SLC5A2: variants seen among roughly 807,000 people sequenced by gnomAD.
SLC5A2 encodes sodium/glucose cotransporter 2.
In SLC5A2, 67 loss-of-function variants were observed where a neutral mutation model predicts 69.0. That is an observed-to-expected ratio of 0.97 (90% CI 0.80 to 1.19). SLC5A2 has a LOEUF of 1.19. SLC5A2 is among the 50% of genes most tolerant of loss of function. The probability of loss-of-function intolerance (pLI) is 0.00; values close to 1 mark genes in which losing one functional copy is unlikely to be tolerated. For missense variants in SLC5A2, 1,001 were observed against 921.5 expected (o/e 1.09, Z -1.12); for synonymous variants, 455 against 395.8 (o/e 1.15, Z -1.78).
chr16:31,488,244 TAA>T, intron 8 of SLC5A2, 71 bp downstream of exon 8: 2 of 1,611,836 alleles, frequency 1.2e-6, no homozygotes, highest in Non-Finnish European at 1.7e-6. Context: ...GTCACCCTCC[TAA>T]GACTCGGCAG....
intron 11 of SLC5A2, 37 bp from the exon 12 acceptor site, chr16:31,489,086 T>C (rs1482210650): frequency 1.2e-6 from 2 of 1,603,854 alleles, no homozygotes; most frequent in Admixed American, 3.3e-5. Flanking sequence ...GGGCTGGGCT[T>C]GCACATCCTC....
chr16:31,490,711 G>A lies in SLC5A2; in HGVS notation c.*176G>A. ...TCTGATTGGCAGTCACTTCCCATGA[G>A]GGCCTGGCCCACCCGCTGCAGTTGC... On this transcript the variant is annotated 3_prime_UTR_variant, in exon 14 of 14. Coordinates refer to ENST00000330498, the MANE Select transcript of SLC5A2 (RefSeq NM_003041.4). 8.2e-7 allele frequency: 1 copy of A among 1,214,924 alleles called. No homozygotes were observed. The highest frequency in any genetic ancestry group is 1.3e-5 in the South Asian group (1 of 79,574). The allele number at this position is 1,214,924 out of a possible 1,614,324, so 75.3% of individuals were successfully genotyped here. A position where few individuals can be genotyped will look rare whatever the true frequency, so the allele number is the denominator to read the frequency against.
chr16:31,483,914 G>GA (rs894279604), intron 1 of SLC5A2, among the ~76,000 whole-genome samples: 10 of 149,740 alleles, frequency 6.7e-5, no homozygotes, highest in East Asian at 3.9e-4. Context: ...AAAGAAAAAA[G>GA]AAAAAAAAAG....
intron 3 of SLC5A2, 32 bp downstream of exon 3, chr16:31,484,955 C>T: frequency 6.3e-7 from 1 of 1,580,842 alleles, no homozygotes; most frequent in Non-Finnish European, 8.7e-7. Context: ...TAACCCCACC[C>T]TCAGTGAGAA....
At chr16:31,488,000 G>C (rs2082513237) in intron 7 of SLC5A2, 38 bp from the exon 8 acceptor site, 1 of 1,608,090 alleles carries the variant, frequency 6.2e-7, no homozygotes, top group South Asian at 1.1e-5. Flanking sequence ...GGGCCGAGGG[G>C]AGGCCCGCAA....
chr16:31,488,897 T>A lies in SLC5A2; in HGVS notation c.1298T>A (p.Ile433Asn). The stretch of plus-strand genomic sequence containing the variant: ...CGCCGCAGGCTCTGGGTGGTGTTCA[T>A]CGTGGTAGTGTCGGTGGCCTGGCTT... ...LLVGRLWVVFIVVVSVAWLPV... is the reference protein window; with the variant it reads ...LLVGRLWVVFNVVVSVAWLPV... The change falls in exon 11 of 14, where the codon ATC becomes AAC. Residue 433 changes from isoleucine to asparagine, a missense_variant. By Grantham distance (149) the Ile-to-Asn change is moderately radical. Coordinates refer to ENST00000330498, the MANE Select transcript of SLC5A2 (RefSeq NM_003041.4). 1 of 1,605,522 alleles carries A rather than the reference T, an allele frequency of 6.2e-7. No individual in the cohort carries two copies. Among genetic ancestry groups the A allele is most frequent in the Non-Finnish European group, 8.5e-7 (1 of 1,179,828 alleles).
chr16:31,489,881 G>A, intron 12 of SLC5A2: 1 of 586,732 alleles, frequency 1.7e-6, no homozygotes, highest in South Asian at 1.8e-5. Context: ...AGCTGGGGGA[G>A]CAAGGCCAAC....
In SLC5A2 at chr16:31,486,175, C is replaced by A; in HGVS notation, c.474C>A (p.Asp158Glu). Reference sequence around the variant, plus strand: ...GCACTTGCTTCTCCCCCAAGGTGGACATGTTCTCCGGAGCTGTATTCATCC... The same window carrying A: ...GCACTTGCTTCTCCCCCAAGGTGGAAATGTTCTCCGGAGCTGTATTCATCC... ...FLYIFTKISV[D>E]MFSGAVFIQQ... Residue 158 changes from aspartate (D) to glutamate (E), a missense_variant, in exon 5 of 14, where the codon GAC becomes GAA. Transcript: ENST00000330498. 1 of 1,612,916 alleles carries A rather than the reference C, an allele frequency of 6.2e-7. No individual in the cohort carries two copies. Among genetic ancestry groups the A allele is most frequent in the South Asian group, 1.1e-5 (1 of 91,056 alleles).
intron 9 of SLC5A2, 41 bp from the exon 10 acceptor site, chr16:31,488,581 C>A (rs374277384): frequency 3.1e-6 from 5 of 1,608,932 alleles, no homozygotes; most frequent in Non-Finnish European, 4.2e-6. Context: ...CCGCCCTGGA[C>A]CCCCAGTGGC....
chr16:31,486,015 C>T (rs2082492685), intron 4 of SLC5A2, 122 bp downstream of exon 4: 4 of 1,262,530 alleles, frequency 3.2e-6, no homozygotes, highest in African/African-American at 1.5e-5. Context: ...ATGATGGAGG[C>T]AGAGCCTGCA....
In SLC5A2 at chr16:31,490,374, G is replaced by A; in HGVS notation, c.1858G>A (p.Gly620Ser). 1.9e-6 allele frequency: 3 copies of A among 1,613,316 alleles called. No individual in the cohort carries two copies. The highest frequency in any genetic ancestry group is 8.5e-7 in the Non-Finnish European group (1 of 1,179,736). ...CLLWFCGMSRGGVGSPPPLTQ... is the reference protein window; with the variant it reads ...CLLWFCGMSRSGVGSPPPLTQ... ...GCTCTGGTTTTGTGGAATGAGCAGAGGTGGGGTGGGCAGTCCTCCGCCCCT... is the reference window on the plus strand; with the variant it reads ...GCTCTGGTTTTGTGGAATGAGCAGAAGTGGGGTGGGCAGTCCTCCGCCCCT... The change falls in exon 14 of 14, where the codon GGT (glycine) becomes AGT (serine). Residue 620 changes from glycine to serine, a missense_variant. Coordinates refer to ENST00000330498, the MANE Select transcript of SLC5A2 (RefSeq NM_003041.4).
In SLC5A2 at chr16:31,485,862, C is replaced by T. The variant is rs532003914; in HGVS notation, c.437C>T (p.Ser146Phe). Residue 146 changes from serine to phenylalanine, a missense_variant, in exon 4 of 14, where the codon TCC becomes TTC. Physicochemically the swap from Ser to Phe is radical, Grantham distance 155 (BLOSUM62 -2). Transcript: ENST00000330498. ...ATCCGCCTCTACCTGTCTGTGCTCT[C>T]CCTTTTCCTGTACATCTTCACCAAG... The part of the protein sequence containing the change: ...RRIRLYLSVL[S>F]LFLYIFTKIS... The T allele has an allele frequency of 6.2e-7, 1 of 1,613,688 alleles. No homozygotes were observed. The highest frequency in any genetic ancestry group is 8.5e-7 in the Non-Finnish European group (1 of 1,180,034).
At chr16:31,489,608 C>T in intron 12 of SLC5A2, 1 of 575,082 alleles carries the variant, frequency 1.7e-6, no homozygotes, top group South Asian at 2.0e-5. Flanking sequence ...AACACAGGAT[C>T]TGACTGGTGG....
At position 31,488,872 on chromosome 16, in the gene SLC5A2, C is replaced by T. The variant is rs778977924; in HGVS notation, c.1281-8C>T. 5.6e-6 allele frequency: 9 copies of T among 1,604,530 alleles called. No individual in the cohort carries two copies. Among genetic ancestry groups the T allele is most frequent in the South Asian group, 5.5e-5 (5 of 91,068 alleles). On this transcript the variant is annotated splice_region_variant and splice_polypyrimidine_tract_variant and intron_variant, in intron 10 of 13. Transcript: ENST00000330498. ...GGTCCGGGTTCGATCCGACGGCCTC[C>T]GCCGCAGGCTCTGGGTGGTGTTCAT... is the stretch of plus-strand genomic sequence containing the variant.
chr16:31,483,144 A>C lies in SLC5A2; in HGVS notation c.8A>C (p.Glu3Ala). The C allele has an allele frequency of 6.2e-7, 1 of 1,613,898 alleles. No homozygotes were observed. The highest frequency in any genetic ancestry group is 8.5e-7 in the Non-Finnish European group (1 of 1,180,006). Reference sequence around the variant, plus strand: ...GGGCAGATCCTGGGGAGAATGGAGGAGCACACAGAGGCAGGCTCGGCACCA... The same window carrying C: ...GGGCAGATCCTGGGGAGAATGGAGGCGCACACAGAGGCAGGCTCGGCACCA... ME[E>A]HTEAGSAPEM... is the part of the protein sequence containing the mutation. The change falls in exon 1 of 14, where the codon GAG (glutamate) becomes GCG (alanine). Residue 3 changes from glutamate (E) to alanine (A), a missense_variant. Glu to Ala is a moderately radical substitution (Grantham distance 107). Coordinates refer to ENST00000330498, the MANE Select transcript of SLC5A2 (RefSeq NM_003041.4).
In SLC5A2 at chr16:31,490,394, G is replaced by C. The variant is rs763032828; in HGVS notation, c.1878G>C (p.Pro626=). Reference sequence around the variant, plus strand: ...GCAGAGGTGGGGTGGGCAGTCCTCCGCCCCTTACCCAGGAGGAGGCAGCGG... The same window carrying C: ...GCAGAGGTGGGGTGGGCAGTCCTCCCCCCCTTACCCAGGAGGAGGCAGCGG... ...GMSRGGVGSP[P]PLTQEEAAAA... Residue 626 remains proline, a synonymous_variant, in exon 14 of 14, where the codon CCG becomes CCC. Coordinates refer to ENST00000330498, the MANE Select transcript of SLC5A2 (RefSeq NM_003041.4). 39 of 1,613,232 alleles carry C rather than the reference G, an allele frequency of 2.4e-5. No homozygotes were observed. In the Admixed American group the frequency reaches 5.3e-4, roughly 22 times the overall value.
rs763654280 is a variant in SLC5A2, at chr16:31,488,839, G to T, written c.1281-41G>T. 8 of 1,602,070 alleles carry T rather than the reference G, an allele frequency of 5.0e-6. No individual in the cohort carries two copies. In the East Asian group the frequency reaches 1.8e-4, roughly 36 times the overall value. On this transcript the variant is annotated intron_variant, in intron 10 of 13. Coordinates refer to ENST00000330498, the MANE Select transcript of SLC5A2 (RefSeq NM_003041.4). ...GGCGGGGGCTTGCGCACCTGCAGGGGAGCCCAGGGTCCGGGTTCGATCCGA... is the reference window on the plus strand; with the variant it reads ...GGCGGGGGCTTGCGCACCTGCAGGGTAGCCCAGGGTCCGGGTTCGATCCGA...
rs1233654730 is a variant in SLC5A2, at chr16:31,488,734, G to GCCACGCGCCGGCGA, written c.1245_1258dup (p.Arg420HisfsTer21). 1 of 1,609,634 alleles carries GCCACGCGCCGGCGA rather than the reference G, an allele frequency of 6.2e-7. No homozygotes were observed. The highest frequency in any genetic ancestry group is 2.2e-5 in the East Asian group (1 of 44,790). On this transcript the variant is annotated frameshift_variant, in exon 10 of 14. Coordinates refer to ENST00000330498, the MANE Select transcript of SLC5A2 (RefSeq NM_003041.4). LOFTEE classifies it high-confidence loss of function. The stretch of plus-strand genomic sequence containing the variant: ...CCATGGACATCTACACGCGCCTGCG[G>GCCACGCGCCGGCGA]CCACGCGCCGGCGACCGCGAGCTGC...
Position 31,486,193 on chromosome 16 carries a change from AT to A in SLC5A2, c.494del (p.Phe165SerfsTer22), listed in dbSNP as rs2082494012. The part of the protein sequence containing the change: ...ISVDMFSGAV[F>X]IQQALGWNIY... Reference sequence around the variant, plus strand: ...AGGTGGACATGTTCTCCGGAGCTGTATTCATCCAGCAGGCTCTGGGCTGGAA... The same window carrying A: ...AGGTGGACATGTTCTCCGGAGCTGTATCATCCAGCAGGCTCTGGGCTGGAA... On this transcript the variant is annotated frameshift_variant, in exon 5 of 14. Transcript: ENST00000330498. LOFTEE classifies it high-confidence loss of function. 1 of 1,613,804 alleles carries A rather than the reference AT, an allele frequency of 6.2e-7. No homozygotes were observed. Among genetic ancestry groups the A allele is most frequent in the Non-Finnish European group, 8.5e-7 (1 of 1,179,870 alleles).
Sources: allele counts gnomAD v4.1 joint callset (sites outside exome capture counted in the v4.1 genomes callset), GRCh38; gene constraint gnomAD v4.1.1; transcripts MANE v1.5; gene names NCBI Gene and HGNC (gene_info 2026-07-23, HGNC 2026-07-21).